The following UGT1A6 variants were observed in gnomAD, a reference collection of about 807,000 sequenced individuals.
UGT1A6 encodes UDP-glucuronosyltransferase 1A6.
Under a neutral mutation model 44.4 loss-of-function variants are expected in UGT1A6, and 32 were observed. The ratio of observed to expected loss-of-function variants is 0.72; its 90% confidence interval spans 0.54 to 0.97. The LOEUF is 0.97. UGT1A6 is among the 50% of genes least tolerant of loss of function. The pLI, the probability that UGT1A6 is intolerant of heterozygous loss-of-function variation, is 0.00. For synonymous variants in UGT1A6, 238 were observed against 248.5 expected (o/e 0.96, Z 0.40); for missense variants, 685 against 661.9 (o/e 1.03, Z -0.38).
At chr2:233,753,876 C>T (rs1268305886) in intron 1 of UGT1A6, among the ~76,000 whole-genome samples, 1 of 152,310 alleles carries the variant, frequency 6.6e-6, no homozygotes, top group East Asian at 1.9e-4. Flanking sequence ...AAGGTCTGTC[C>T]TCAGCCTTCA....
Position 233,747,479 on chromosome 2 carries a change from T to A in UGT1A6, c.862-19555T>A, listed in dbSNP as rs897770159. 3 of 1,608,758 alleles carry A rather than the reference T, an allele frequency of 1.9e-6. No individual in the cohort carries two copies. The African/African-American group carries it at 4.0e-5, about 22-fold the overall frequency. ...CCATTTCATGGACCCAGGATGAATT[T>A]GATCGCCTTGTGCTGGGCCACACTC... On this transcript the variant is annotated intron_variant, in intron 1 of 4. Coordinates refer to ENST00000305139, the MANE Select transcript of UGT1A6 (RefSeq NM_001072.4).
chr2:233,740,352 A>G (rs2125828871), intron 1 of UGT1A6, among the ~76,000 whole-genome samples: 1 of 152,070 alleles, frequency 6.6e-6, no homozygotes, highest in South Asian at 2.1e-4. Flanking sequence ...AGAAAGTGGA[A>G]TTAGAAATTC....
At position 233,700,243 on chromosome 2, in the gene UGT1A6, C is replaced by T. The variant is rs28898585; in HGVS notation, c.861+6378C>T. ...CTAGGCAACTCAGTAGAACAAAAGC[C>T]CCAAAATGCCAAGTCATTCTTAATA... On this transcript the variant is annotated intron_variant, in intron 1 of 4. Transcript: ENST00000305139. Among the ~76,000 whole-genome samples the T allele has an allele frequency of 7.4e-3, 1,126 of 152,274 alleles. 17 individuals carry two copies. Among genetic ancestry groups the T allele is most frequent in the African/African-American group, 0.025 (1,040 of 41,540 alleles).
chr2:233,705,445 G>A (rs79916929), intron 1 of UGT1A6, among the ~76,000 whole-genome samples: 4,116 of 152,216 alleles, frequency 0.027, 91 homozygotes, highest in African/African-American at 0.046. Flanking sequence ...CTTCAGAATT[G>A]CACATATTTT....
chr2:233,760,579 A>G (rs2125986282), intron 1 of UGT1A6: 1 of 1,614,220 alleles, frequency 6.2e-7, no homozygotes, highest in South Asian at 1.1e-5. Context: ...TCTCGGGCAT[A>G]ATGTTTTTGA....
chr2:233,719,226 G>T (rs2076738991), intron 1 of UGT1A6: 1 of 1,614,026 alleles, frequency 6.2e-7, no homozygotes, highest in Non-Finnish European at 8.5e-7. Context: ...GCATAATGAG[G>T]CCCTGATCAG....
At chr2:233,720,075 T>C (rs1197503417) in intron 1 of UGT1A6, among the ~76,000 whole-genome samples, 1 of 152,184 alleles carries the variant, frequency 6.6e-6, no homozygotes, top group Admixed American at 6.5e-5. Flanking sequence ...ATTAGAATTG[T>C]GGACATGATA....
intron 1 of UGT1A6, among the ~76,000 whole-genome samples, chr2:233,732,961 T>G (rs2078342665): frequency 6.6e-6 from 1 of 152,188 alleles, no homozygotes; most frequent in Non-Finnish European, 1.5e-5. Context: ...GTTCTTCCAT[T>G]TGTTTGTGTC....
chr2:233,710,910 C>A (rs1487105945), intron 1 of UGT1A6, among the ~76,000 whole-genome samples: 2 of 152,188 alleles, frequency 1.3e-5, no homozygotes, highest in African/African-American at 4.8e-5. Flanking sequence ...GGAAAGAGGT[C>A]TTTAGACCAC....
chr2:233,703,514 G>T (rs2125593103), intron 1 of UGT1A6, among the ~76,000 whole-genome samples: 1 of 152,008 alleles, frequency 6.6e-6, no homozygotes, highest in South Asian at 2.1e-4. Flanking sequence ...TCCTGGTGGA[G>T]TGACACTTAT....
chr2:233,728,446 A>G (rs1222950362), intron 1 of UGT1A6, among the ~76,000 whole-genome samples: 1 of 152,128 alleles, frequency 6.6e-6, no homozygotes, highest in African/African-American at 2.4e-5. Context: ...TATATGGAGA[A>G]TCCTCAACAA....
At chr2:233,712,083 G>A (rs1229537579) in intron 1 of UGT1A6, among the ~76,000 whole-genome samples, 1 of 152,192 alleles carries the variant, frequency 6.6e-6, no homozygotes, top group African/African-American at 2.4e-5. Flanking sequence ...ATAAAGGCCT[G>A]GATGAATGGA....
intron 1 of UGT1A6, among the ~76,000 whole-genome samples, chr2:233,741,259 T>C (rs551312228): frequency 6.6e-6 from 1 of 151,984 alleles, no homozygotes; most frequent in South Asian, 2.1e-4. Flanking sequence ...TGCCACTCTT[T>C]GCTGACCACT....
chr2:233,705,451 A>AT (rs1396968859), intron 1 of UGT1A6, among the ~76,000 whole-genome samples: 2 of 152,158 alleles, frequency 1.3e-5, no homozygotes, highest in Non-Finnish European at 2.9e-5. Flanking sequence ...AATTGCACAT[A>AT]TTTTTTAGCA....
intron 1 of UGT1A6, chr2:233,719,544 G>C (rs1282092196): frequency 1.2e-6 from 2 of 1,613,824 alleles, no homozygotes; most frequent in Non-Finnish European, 1.7e-6. Context: ...TTTTCAGAGA[G>C]AGGTGTCAGT....
intron 1 of UGT1A6, chr2:233,713,114 G>A (rs1276880544): frequency 4.3e-6 from 7 of 1,614,110 alleles, no homozygotes; most frequent in Admixed American, 1.7e-5. Context: ...GCAGCCACTG[G>A]CTCAGCATGC....
At chr2:233,741,626 G>C (rs997188188) in intron 1 of UGT1A6, 2 of 151,868 alleles carry the variant, frequency 1.3e-5, no homozygotes, top group African/African-American at 4.9e-5. Flanking sequence ...GACCCCATGA[G>C]CCCCTGTGGG....
intron 1 of UGT1A6, among the ~76,000 whole-genome samples, chr2:233,705,064 A>G (rs2075819913): frequency 6.6e-6 from 1 of 151,184 alleles, no homozygotes; most frequent in South Asian, 2.1e-4. Flanking sequence ...TGAACCCGGG[A>G]GGCGGAGGTT....
chr2:233,738,866 G>C (rs1369397028), intron 1 of UGT1A6: 1 of 152,204 alleles, frequency 6.6e-6, no homozygotes, highest in Non-Finnish European at 1.5e-5. Context: ...TGGGGAAAAT[G>C]GCTCCAGGGC....
Sources: gnomAD v4.1 joint callset for allele counts (sites outside exome capture counted in the v4.1 genomes callset) on GRCh38, gnomAD v4.1.1 for gene constraint, MANE v1.5 for transcripts, NCBI Gene and HGNC (gene_info 2026-07-23, HGNC 2026-07-21) for gene names.